KNDC1: variants seen among roughly 807,000 people sequenced by gnomAD.
KNDC1 encodes the protein kinase non-catalytic C-lobe domain containing 1.
KNDC1 carries 106 observed loss-of-function variants against 172.8 expected under a neutral mutation model. The observed-to-expected ratio is 0.61, with a 90% CI of 0.52 to 0.72. The LOEUF (loss-of-function observed/expected upper bound fraction) is 0.72. Among genes scored for constraint, KNDC1 ranks in the 30% least tolerant of loss-of-function variants. KNDC1 has a pLI of 0.00. For missense variants in KNDC1, 2,325 were observed against 2,394.5 expected, an observed-to-expected ratio of 0.97 and a Z score of 0.61; for synonymous variants, 1,083 against 1,062.2, an observed-to-expected ratio of 1.02 and a Z score of -0.38.
intron 1 of KNDC1, among the ~76,000 whole-genome samples, chr10:133,165,794 C>T (rs767334407): frequency 3.3e-5 from 5 of 152,036 alleles, no homozygotes; most frequent in Admixed American, 6.6e-5. Context: ...CTGAGGAGTC[C>T]TGGGCGGTGC....
At position 133,209,543 on chromosome 10, in the gene KNDC1, T is replaced by A. The variant is rs1175647695; in HGVS notation, c.3795-1068T>A. Among the ~76,000 whole-genome samples, 2 of 151,824 alleles carry A rather than the reference T, an allele frequency of 1.3e-5. No homozygotes were observed. The highest frequency in any genetic ancestry group is 2.9e-5 in the Non-Finnish European group (2 of 67,916). ...TTTGTGCATGTGTGTGGTGTGCGCG[T>A]CTGGTTGTCGAGTTCTGTGTGGCTT... On this transcript the variant is annotated intron_variant, in intron 20 of 29. Coordinates refer to ENST00000304613, the MANE Select transcript of KNDC1 (RefSeq NM_152643.8). This position sits in a 1 kb window ranked among gnomAD's most constrained non-coding sequence, Gnocchi z 4.9.
chr10:133,184,018 C>T (rs781345189), intron 5 of KNDC1, 29 bp downstream of exon 5: 7 of 1,309,652 alleles, frequency 5.3e-6, no homozygotes, highest in South Asian at 5.3e-5. Context: ...ACACGTGCAT[C>T]CTCATGCACA....
intron 16 of KNDC1, among the ~76,000 whole-genome samples, chr10:133,201,090 G>A (rs1854349599): frequency 6.6e-6 from 1 of 152,238 alleles, no homozygotes; most frequent in Non-Finnish European, 1.5e-5. Context: ...GGAAAGCCCT[G>A]CACAGGGGAA....
intron 20 of KNDC1, among the ~76,000 whole-genome samples, chr10:133,207,758 G>A (rs1233450714): frequency 1.3e-5 from 2 of 152,236 alleles, no homozygotes; most frequent in Non-Finnish European, 2.9e-5. Context: ...GGGTGTTTCT[G>A]CAGCCCCCTC....
intron 28 of KNDC1, 124 bp downstream of exon 28, chr10:133,219,214 A>G: frequency 8.1e-7 from 1 of 1,233,944 alleles, no homozygotes; most frequent in Non-Finnish European, 1.1e-6. Context: ...TGGCCCAGCC[A>G]GGGTGGCCTC....
Position 133,186,450 on chromosome 10 carries a change from G to T in KNDC1, c.1102G>T (p.Glu368Ter). ...QPKCRLWPEQ[E>*]PEHQLGRVPC... ...CAAATGCAGGCTGTGGCCGGAGCAG[G>T]AGCCGGAACACCAGCTGGGACGGGT... is the stretch of plus-strand genomic sequence containing the variant. Residue 368 changes from glutamate (E) to a stop codon, truncating the protein, a stop_gained, in exon 6 of 30, where the codon GAG becomes TAG. Transcript: ENST00000304613. LOFTEE classifies it high-confidence loss of function. 6.2e-7 allele frequency: 1 copy of T among 1,612,574 alleles called. No homozygotes were observed. The highest frequency in any genetic ancestry group is 8.5e-7 in the Non-Finnish European group (1 of 1,179,848).
At chr10:133,171,207 T>C (rs1417310411) in intron 3 of KNDC1, among the ~76,000 whole-genome samples, 1 of 152,222 alleles carries the variant, frequency 6.6e-6, no homozygotes, top group East Asian at 1.9e-4. Context: ...TAGATATAGT[T>C]TATTAGATTT....
intron 29 of KNDC1, among the ~76,000 whole-genome samples, chr10:133,220,517 C>T (rs867693268): frequency 6.0e-5 from 1 of 16,688 alleles, no homozygotes; most frequent in African/African-American, 1.5e-4. Flanking sequence ...GCTCAGGCGG[C>T]CGCGCGCCCA....
At chr10:133,218,810 T>C (rs1564901620) in intron 26 of KNDC1, 21 bp from the exon 27 acceptor site, 1 of 1,606,682 alleles carries the variant, frequency 6.2e-7, no homozygotes, top group Non-Finnish European at 8.5e-7. Flanking sequence ...AGACGCTGAA[T>C]GTGTCATTTT....
intron 3 of KNDC1, among the ~76,000 whole-genome samples, chr10:133,177,634 G>A (rs1441159538): frequency 1.3e-5 from 2 of 152,088 alleles, no homozygotes; most frequent in Non-Finnish European, 2.9e-5. Flanking sequence ...TGTGTTGTGA[G>A]CATGTGTGTT....
intron 1 of KNDC1, chr10:133,167,089 A>G (rs568904753): frequency 1.9e-5 from 9 of 477,842 alleles, no homozygotes; most frequent in African/African-American, 1.6e-4. Context: ...CAGGTGACCC[A>G]GCAGCTCTGG....
intron 26 of KNDC1, 44 bp from the exon 27 acceptor site, chr10:133,218,787 A>G: frequency 6.3e-7 from 1 of 1,594,400 alleles, no homozygotes; most frequent in Non-Finnish European, 8.6e-7. Flanking sequence ...CCCTTTGTTC[A>G]TCTTAAACCA....
At position 133,198,402 on chromosome 10, in the gene KNDC1, C is replaced by T; in HGVS notation, c.1972C>T (p.Pro658Ser). The T allele has an allele frequency of 3.1e-6, 5 of 1,600,674 alleles. No individual in the cohort carries two copies. The South Asian group carries it at 4.5e-5, about 14-fold the overall frequency. Residue 658 changes from proline to serine, a missense_variant, in exon 13 of 30, where the codon CCC becomes TCC. Physicochemically the swap from Pro to Ser is moderately conservative, Grantham distance 74. Transcript: ENST00000304613. ...GCCAGGGCCCGTGCCCGGCCAGCAC[C>T]CCTGCGGTGAAGAAGCCACCCAGCT... is the stretch of plus-strand genomic sequence containing the variant. ...AVPGPVPGQH[P>S]CGEEATQLPA... is the part of the protein sequence containing the mutation.
chr10:133,207,807 G>A (rs1257324331), intron 20 of KNDC1, among the ~76,000 whole-genome samples: 6 of 152,224 alleles, frequency 3.9e-5, no homozygotes, highest in African/African-American at 1.2e-4. Context: ...CCCCTGATCC[G>A]TAAACGCTGG....
At position 133,162,876 on chromosome 10, in the gene KNDC1, T is replaced by C. The variant is rs144299375; in HGVS notation, c.102+2307T>C. 2.4e-3 allele frequency among the ~76,000 whole-genome samples: 370 copies of C among 152,358 alleles called. 3 individuals carry two copies. Among genetic ancestry groups the C allele is most frequent in the African/African-American group, 8.6e-3 (359 of 41,586 alleles). On this transcript the variant is annotated intron_variant, in intron 1 of 29. Coordinates refer to ENST00000304613, the MANE Select transcript of KNDC1 (RefSeq NM_152643.8). ...GGCCCCAGAGACACGTGGCCGTGCG[T>C]GTGTGAGAACACTCTCAGCTGGAAC... is the stretch of plus-strand genomic sequence containing the variant.
intron 12 of KNDC1, 134 bp downstream of exon 12, chr10:133,197,902 G>T (rs551519933): frequency 2.6e-6 from 2 of 759,014 alleles, no homozygotes; most frequent in African/African-American, 3.5e-5. Flanking sequence ...CTCGGCCAAC[G>T]TGGCCCATGC....
At chr10:133,206,641 G>A in intron 17 of KNDC1, 44 bp from the exon 18 acceptor site, 1 of 1,544,212 alleles carries the variant, frequency 6.5e-7, no homozygotes, top group Non-Finnish European at 9.0e-7. Context: ...TGGCTGACGT[G>A]TGTTGGGGCT....
intron 20 of KNDC1, among the ~76,000 whole-genome samples, chr10:133,207,992 C>G (rs932313419): frequency 6.6e-6 from 1 of 152,206 alleles, no homozygotes; most frequent in Non-Finnish European, 1.5e-5. Context: ...GCAGCAGGCT[C>G]TGGACCCACT....
Position 133,186,000 on chromosome 10 carries a change from A to C in KNDC1, c.652A>C (p.Arg218=), listed in dbSNP as rs1226309629. 24 of 1,505,372 alleles carry C rather than the reference A, an allele frequency of 1.6e-5. No homozygotes were observed. Among genetic ancestry groups the C allele is most frequent in the Non-Finnish European group, 2.1e-5 (24 of 1,119,674 alleles). The allele number at this position is 1,505,372 out of a possible 1,614,324, so 93.3% of individuals were successfully genotyped here. The change falls in exon 6 of 30, where the codon AGA becomes CGA. Residue 218 remains arginine (R), a synonymous_variant. Coordinates refer to ENST00000304613, the MANE Select transcript of KNDC1 (RefSeq NM_152643.8). ...QDVSESSWRE[R]PAPGNAGPRR... is the part of the protein sequence containing the mutation. Reference sequence around the variant, plus strand: ...TGTCAGCGAGAGCAGCTGGCGGGAGAGACCTGCCCCAGGAAACGCTGGGCC... The same window carrying C: ...TGTCAGCGAGAGCAGCTGGCGGGAGCGACCTGCCCCAGGAAACGCTGGGCC...
Sources: allele counts gnomAD v4.1 joint callset (sites outside exome capture counted in the v4.1 genomes callset), GRCh38; gene constraint gnomAD v4.1.1; non-coding constraint Gnocchi (gnomAD v3.1); transcripts MANE v1.5; gene names NCBI Gene and HGNC (gene_info 2026-07-23, HGNC 2026-07-21).